The following ZNF766 variants were observed in gnomAD, a reference collection of about 807,000 sequenced individuals.
The protein encoded by ZNF766 is zinc finger protein 766.
A neutral mutation model predicts 13.2 loss-of-function variants in ZNF766; 13 were observed. That is an observed-to-expected ratio of 0.98 (90% CI 0.64 to 1.56). The LOEUF (loss-of-function observed/expected upper bound fraction) is 1.56. Among genes scored for constraint, ZNF766 ranks in the 40% most tolerant of loss-of-function variants. The pLI is 0.00. For synonymous variants in ZNF766, 178 were observed against 187.6 expected (o/e 0.95, Z 0.42); for missense variants, 521 against 552.2 (o/e 0.94, Z 0.57).
rs1982200382 is a variant in ZNF766 at position 52,292,588 on chromosome 19, A to ATG, written c.*1391_*1392insGT. The ATG allele has an allele frequency of 3.7e-5, 6 of 163,856 alleles. No individual in the cohort carries two copies. In the South Asian group the frequency reaches 1.2e-3, roughly 33 times the overall value. The allele number at this position is 163,856 out of a possible 1,614,324, so 10.2% of individuals were successfully genotyped here. On this transcript the variant is annotated 3_prime_UTR_variant, in exon 4 of 4. Transcript: ENST00000439461. ...TTCAAATGGAAGAGAGAACAGTTAA[A>ATG]TCAGAGTAGAGAGTTTAATCAAAAC...
rs1982070539 is a variant in ZNF766 at position 52,290,430 on chromosome 19, A to G, written c.639A>G (p.Lys213=). 1.2e-6 allele frequency: 2 copies of G among 1,613,928 alleles called. No homozygotes were observed. Among genetic ancestry groups the G allele is most frequent in the Non-Finnish European group, 1.7e-6 (2 of 1,180,016 alleles). The change falls in exon 4 of 4, where the codon AAA becomes AAG. Residue 213 remains lysine (K), a synonymous_variant. Coordinates refer to ENST00000439461, the MANE Select transcript of ZNF766 (RefSeq NM_001010851.3). ...ATCAAGTAATCCACACTGCAGATAA[A>G]CCTAACAGATGTCATGAATGTGGTA... The part of the protein sequence containing the change: ...PNHQVIHTAD[K]PNRCHECGKT...
At position 52,291,148 on chromosome 19, in the gene ZNF766, T is replaced by C; in HGVS notation, c.1357T>C (p.Trp453Arg). Residue 453 changes from tryptophan to arginine, a missense_variant, in exon 4 of 4, where the codon TGG becomes CGG. Coordinates refer to ENST00000439461, the MANE Select transcript of ZNF766 (RefSeq NM_001010851.3). ...VCGKVFRHSS[W>R]FVQHQRSVHE... is the part of the protein sequence containing the mutation. ...TGGTAAGGTCTTTAGGCACAGTTCA[T>C]GGTTTGTACAGCATCAGAGAAGTGT... 1.2e-6 allele frequency: 2 copies of C among 1,609,050 alleles called. No individual in the cohort carries two copies. Among genetic ancestry groups the C allele is most frequent in the Non-Finnish European group, 1.7e-6 (2 of 1,177,236 alleles).
At position 52,295,138 on chromosome 19, in the gene ZNF766, TTTAC is replaced by T. The variant is rs1296071312; in HGVS notation, c.*3943_*3946del. 1.3e-5 allele frequency: 2 copies of T among 151,912 alleles called. No homozygotes were observed. The highest frequency in any genetic ancestry group is 4.8e-5 in the African/African-American group (2 of 41,380). 9.4% of individuals were successfully genotyped at this position (151,912 alleles called of 1,614,324 possible). ...ATAGACACATATATAATATTTTTTT[TTTAC>T]TTTTTTCTTTTTCTGTACATTGCAT... On this transcript the variant is annotated 3_prime_UTR_variant, in exon 4 of 4. Coordinates refer to ENST00000439461, the MANE Select transcript of ZNF766 (RefSeq NM_001010851.3).
rs1036535665 is a variant in ZNF766, at chr19:52,269,712, A to G, written c.18+81A>G. On this transcript the variant is annotated intron_variant, in intron 1 of 3. Coordinates refer to ENST00000439461, the MANE Select transcript of ZNF766 (RefSeq NM_001010851.3). ...GTACCCGGGATGTGGGGGGCGGTACAGACCTTGAAATCCCCGCACCGCTCT... is the reference window on the plus strand; with the variant it reads ...GTACCCGGGATGTGGGGGGCGGTACGGACCTTGAAATCCCCGCACCGCTCT... 1.9e-6 allele frequency: 3 copies of G among 1,553,294 alleles called. No individual in the cohort carries two copies. The African/African-American group carries it at 4.1e-5, about 21-fold the overall frequency.
chr19:52,282,039 C>A, intron 1 of ZNF766, 72 bp from the exon 2 acceptor site: 2 of 1,548,180 alleles, frequency 1.3e-6, no homozygotes, highest in Non-Finnish European at 8.8e-7. Flanking sequence ...GTCCTTACAA[C>A]CCTCTTCTCA....
chr19:52,293,690 A>T lies in ZNF766; in HGVS notation c.*2492A>T, dbSNP rs1982246912. The T allele has an allele frequency of 6.6e-6, 1 of 150,832 alleles. No homozygotes were observed. The highest frequency in any genetic ancestry group is 1.5e-5 in the Non-Finnish European group (1 of 67,738). The allele number at this position is 150,832 out of a possible 1,614,324, so 9.3% of individuals were successfully genotyped here. A position where few individuals can be genotyped will look rare whatever the true frequency, so the allele number is the denominator to read the frequency against. ...TCCCAGGCTGGAGTGCAATGGTGTG[A>T]TCTCGGCTCACCGCAACCTCCGCCT... On this transcript the variant is annotated 3_prime_UTR_variant, in exon 4 of 4. Transcript: ENST00000439461.
chr19:52,276,787 G>A (rs1981223356), intron 1 of ZNF766, among the ~76,000 whole-genome samples: 1 of 152,170 alleles, frequency 6.6e-6, no homozygotes, highest in Admixed American at 6.5e-5. Flanking sequence ...GAGCACCGAA[G>A]CCGTGTTCTC....
intron 1 of ZNF766, among the ~76,000 whole-genome samples, chr19:52,280,231 G>A (rs1981429850): frequency 1.3e-5 from 2 of 152,118 alleles, no homozygotes; most frequent in African/African-American, 4.8e-5. Context: ...GGCAGTATGT[G>A]CACCGTTAGC....
At chr19:52,278,314 A>G (rs1981316804) in intron 1 of ZNF766, among the ~76,000 whole-genome samples, 1 of 152,130 alleles carries the variant, frequency 6.6e-6, no homozygotes, top group African/African-American at 2.4e-5. Context: ...TTCTCTAATG[A>G]TCAGTGATAC....
chr19:52,288,815 A>C (rs1981964152), intron 3 of ZNF766, among the ~76,000 whole-genome samples: 1 of 149,368 alleles, frequency 6.7e-6, no homozygotes, highest in Admixed American at 6.6e-5. Flanking sequence ...ATATTTCCTA[A>C]TTTTCCTTTT....
intron 2 of ZNF766, chr19:52,282,598 C>G (rs751084709): frequency 3.0e-5 from 5 of 167,916 alleles, no homozygotes; most frequent in South Asian, 1.5e-4. Context: ...GATCATGCCA[C>G]TGCACTCCAA....
In ZNF766 at chr19:52,291,199, G is replaced by A; in HGVS notation, c.*1G>A. On this transcript the variant is annotated 3_prime_UTR_variant, in exon 4 of 4. Coordinates refer to ENST00000439461, the MANE Select transcript of ZNF766 (RefSeq NM_001010851.3). ...TCATGAGAGAGTCCTTACAAACTGA[G>A]TTTGGCAAACTCTATCATAAGTTCT... 2 of 1,552,432 alleles carry A rather than the reference G, an allele frequency of 1.3e-6. No individual in the cohort carries two copies. Among genetic ancestry groups the A allele is most frequent in the South Asian group, 2.5e-5 (2 of 80,168 alleles).
chr19:52,283,112 G>C (rs1449495683), intron 2 of ZNF766, among the ~76,000 whole-genome samples, 173 bp from the exon 3 acceptor site: 2 of 152,188 alleles, frequency 1.3e-5, no homozygotes, highest in Non-Finnish European at 2.9e-5. Flanking sequence ...CAGTGTAAAA[G>C]TGTTCCTGTT....
At chr19:52,285,462 A>G (rs1192791134) in intron 3 of ZNF766, among the ~76,000 whole-genome samples, 1 of 152,212 alleles carries the variant, frequency 6.6e-6, no homozygotes, top group Non-Finnish European at 1.5e-5. Context: ...TTTGGGCCCA[A>G]TTAGTTTGCT....
intron 1 of ZNF766, among the ~76,000 whole-genome samples, chr19:52,273,031 A>G (rs1333818384): frequency 1.3e-5 from 2 of 151,660 alleles, no homozygotes; most frequent in Non-Finnish European, 1.5e-5. Flanking sequence ...TTTTTTCGAG[A>G]CGGAGTCTTG....
intron 3 of ZNF766, among the ~76,000 whole-genome samples, chr19:52,289,827 C>G (rs976342612): frequency 1.3e-5 from 2 of 152,004 alleles, no homozygotes; most frequent in Non-Finnish European, 1.5e-5. Context: ...AGTGAAACCC[C>G]GTCTCTACTA....
chr19:52,273,191 G>T (rs973497184), intron 1 of ZNF766, among the ~76,000 whole-genome samples: 2 of 152,068 alleles, frequency 1.3e-5, no homozygotes, highest in African/African-American at 4.8e-5. Context: ...TGCATTTTTA[G>T]TAGAGATGGG....
chr19:52,279,876 A>G (rs917325672), intron 1 of ZNF766, among the ~76,000 whole-genome samples: 4 of 137,478 alleles, frequency 2.9e-5, no homozygotes, highest in African/African-American at 8.4e-5. Flanking sequence ...GCTCAGTGCA[A>G]CCTGCATCTC....
At chr19:52,281,519 TAA>T in intron 1 of ZNF766, 1 of 271,204 alleles carries the variant, frequency 3.7e-6, no homozygotes, top group Admixed American at 5.3e-5. Flanking sequence ...ACTCTGTCAA[TAA>T]AAAAAAATGT....
Sources: allele counts gnomAD v4.1 joint callset (sites outside exome capture counted in the v4.1 genomes callset), GRCh38; gene constraint gnomAD v4.1.1; transcripts MANE v1.5; gene names NCBI Gene and HGNC (gene_info 2026-07-23, HGNC 2026-07-21).